The following PAK5 variants were observed in gnomAD, a reference collection of about 807,000 sequenced individuals.
PAK5 encodes p21 (RAC1) activated kinase 5, also known as serine/threonine-protein kinase PAK 5.
Under a neutral mutation model 65.9 loss-of-function variants are expected in PAK5, and 16 were observed. The observed-to-expected ratio is 0.24, with a 90% CI of 0.16 to 0.37. PAK5 has a LOEUF of 0.37. Among genes scored for constraint, PAK5 ranks in the 10% least tolerant of loss-of-function variants. The pLI, the probability that PAK5 is intolerant of heterozygous loss-of-function variation, is 1.00. For synonymous variants in PAK5, 371 were observed against 354.9 expected, an observed-to-expected ratio of 1.05 and a Z score of -0.51; for missense variants, 785 against 903.9, an observed-to-expected ratio of 0.87 and a Z score of 1.69.
intron 1 of PAK5, among the ~76,000 whole-genome samples, chr20:9,728,801 G>T (rs1351423120): frequency 2.0e-5 from 3 of 151,450 alleles, no homozygotes; most frequent in Non-Finnish European, 4.4e-5. Context: ...TTGGAACACA[G>T]ATACCTTCAT....
intron 3 of PAK5, among the ~76,000 whole-genome samples, chr20:9,632,483 A>T (rs892984470): frequency 1.3e-5 from 2 of 152,212 alleles, no homozygotes; most frequent in East Asian, 3.9e-4. Context: ...CGTGGATTAC[A>T]TGCATAATGA....
chr20:9,597,838 C>T lies in PAK5; in HGVS notation c.205-16908G>A, dbSNP rs115982713. ...TCCAGCTGAGGCCATGCTAGGCCAG[C>T]CAGCCTCTAGCCAACTCAGAAGCTG... On this transcript the variant is annotated intron_variant, in intron 3 of 9. Coordinates refer to ENST00000353224, the MANE Select transcript of PAK5 (RefSeq NM_177990.4). Among the ~76,000 whole-genome samples the T allele has an allele frequency of 2.8e-3, 431 of 152,314 alleles. 3 individuals are homozygous for T. Among genetic ancestry groups the T allele is most frequent in the African/African-American group, 9.7e-3 (402 of 41,560 alleles).
At chr20:9,775,285 C>T (rs546263130) in intron 1 of PAK5, among the ~76,000 whole-genome samples, 7 of 152,052 alleles carry the variant, frequency 4.6e-5, no homozygotes, top group African/African-American at 7.2e-5. Flanking sequence ...AAAAGAGCTG[C>T]GTCGGTAGAC....
At chr20:9,719,775 T>C (rs1158706041) in intron 1 of PAK5, among the ~76,000 whole-genome samples, 2 of 152,274 alleles carry the variant, frequency 1.3e-5, no homozygotes, top group Non-Finnish European at 2.9e-5. Flanking sequence ...ACCAAGGTAA[T>C]AACAGGGTGT....
chr20:9,586,379 ATGAG>A (rs1343047814), intron 3 of PAK5, among the ~76,000 whole-genome samples: 6 of 152,304 alleles, frequency 3.9e-5, no homozygotes, highest in African/African-American at 1.4e-4. Context: ...AATTTGATTA[ATGAG>A]TTGATTGGGT....
intron 1 of PAK5, among the ~76,000 whole-genome samples, chr20:9,805,207 G>C (rs577368191): frequency 6.6e-6 from 1 of 152,134 alleles, no homozygotes; most frequent in East Asian, 1.9e-4. Context: ...GGCTAGAATC[G>C]AATAGTCAGA....
At chr20:9,662,638 G>T (rs2047361680) in intron 2 of PAK5, among the ~76,000 whole-genome samples, 1 of 152,134 alleles carries the variant, frequency 6.6e-6, no homozygotes, top group Non-Finnish European at 1.5e-5. Flanking sequence ...ACTGCTGTAT[G>T]GAGGAAATCC....
At chr20:9,709,564 G>A (rs113581929) in intron 2 of PAK5, among the ~76,000 whole-genome samples, 203 of 152,242 alleles carry the variant, frequency 1.3e-3, no homozygotes, top group Non-Finnish European at 2.4e-3. Flanking sequence ...CTGTGAACTT[G>A]TAGAGTCTCA....
intron 1 of PAK5, among the ~76,000 whole-genome samples, chr20:9,734,544 G>A (rs1053736395): frequency 2.6e-3 from 227 of 86,810 alleles, no homozygotes; most frequent in African/African-American, 7.4e-3. Flanking sequence ...AGACACACAC[G>A]CGCACATGCA....
At chr20:9,557,022 T>A (rs750205902) in intron 7 of PAK5, among the ~76,000 whole-genome samples, 1 of 152,144 alleles carries the variant, frequency 6.6e-6, no homozygotes, top group Non-Finnish European at 1.5e-5. Flanking sequence ...CCGAAATCTA[T>A]AGCAATCTCC....
At chr20:9,550,847 C>G (rs893061339) in intron 7 of PAK5, among the ~76,000 whole-genome samples, 5 of 151,324 alleles carry the variant, frequency 3.3e-5, no homozygotes, top group Non-Finnish European at 7.4e-5. Flanking sequence ...TTTTGTTTGC[C>G]TATAAATTTA....
intron 2 of PAK5, among the ~76,000 whole-genome samples, chr20:9,677,770 T>C (rs1209504101): frequency 6.6e-6 from 1 of 152,248 alleles, no homozygotes; most frequent in Non-Finnish European, 1.5e-5. Flanking sequence ...TACCTGTGAC[T>C]CTTTCACTCA....
intron 3 of PAK5, among the ~76,000 whole-genome samples, chr20:9,619,415 C>A (rs2046730249): frequency 1.3e-5 from 2 of 152,214 alleles, no homozygotes; most frequent in African/African-American, 2.4e-5. Flanking sequence ...CACTTGGCAA[C>A]CCTGGCCACA....
chr20:9,786,564 G>T (rs1211609038), intron 1 of PAK5, among the ~76,000 whole-genome samples: 1 of 152,094 alleles, frequency 6.6e-6, no homozygotes, highest in Admixed American at 6.6e-5. Flanking sequence ...TAAGTGTACA[G>T]CCTGATCAAT....
chr20:9,733,422 CTCTCTCT>C (rs2048355195), intron 1 of PAK5, among the ~76,000 whole-genome samples: 1 of 149,840 alleles, frequency 6.7e-6, no homozygotes, highest in Non-Finnish European at 1.5e-5. Flanking sequence ...TCTTTCTTCT[CTCTCTCT>C]TTCTCTCTCT....
At chr20:9,783,946 A>T (rs969556830) in intron 1 of PAK5, among the ~76,000 whole-genome samples, 19 of 152,194 alleles carry the variant, frequency 1.2e-4, no homozygotes, top group Non-Finnish European at 4.4e-5. Context: ...TACATTAATC[A>T]AATTGTTTAA....
At position 9,554,739 on chromosome 20, in the gene PAK5, T is replaced by C. The variant is rs555189403; in HGVS notation, c.1743+2869A>G. Reference sequence around the variant, plus strand: ...CTCTTTTAAAAGAAAAGTTTCCTTTTCCTACAGATACTGGAGAAACCACTG... The same window carrying C: ...CTCTTTTAAAAGAAAAGTTTCCTTTCCCTACAGATACTGGAGAAACCACTG... On this transcript the variant is annotated intron_variant, in intron 7 of 9. Transcript: ENST00000353224. 1.3e-3 allele frequency among the ~76,000 whole-genome samples: 201 copies of C among 152,302 alleles called. 1 individual carries two copies. Among genetic ancestry groups the C allele is most frequent in the Non-Finnish European group, 2.5e-3 (169 of 68,024 alleles).
At chr20:9,744,114 A>G (rs1257489396) in intron 1 of PAK5, among the ~76,000 whole-genome samples, 8 of 152,196 alleles carry the variant, frequency 5.3e-5, no homozygotes, top group African/African-American at 7.2e-5. Flanking sequence ...ATGGTCTCCT[A>G]TGGCCTCTGG....
intron 1 of PAK5, among the ~76,000 whole-genome samples, chr20:9,824,409 G>A (rs923773856): frequency 1.3e-5 from 2 of 152,152 alleles, no homozygotes; most frequent in Admixed American, 1.3e-4. Flanking sequence ...TTTCCAAAAA[G>A]CAGTTATGGT....
Sources: allele counts gnomAD v4.1 joint callset (sites outside exome capture counted in the v4.1 genomes callset), GRCh38; gene constraint gnomAD v4.1.1; transcripts MANE v1.5; gene names NCBI Gene and HGNC (gene_info 2026-07-23, HGNC 2026-07-21).